Variants in HEPHL1 observed in about 807,000 individuals in gnomAD.
HEPHL1 encodes ferroxidase HEPHL1.
Under a neutral mutation model 122.0 loss-of-function variants are expected in HEPHL1, and 123 were observed. The ratio of observed to expected loss-of-function variants is 1.01; its 90% CI spans 0.87 to 1.17. HEPHL1 has a LOEUF of 1.17. HEPHL1 is among the 50% of genes most tolerant of loss of function. The probability of loss-of-function intolerance (pLI) is 0.00; values close to 1 mark genes in which losing one functional copy is unlikely to be tolerated. For synonymous variants in HEPHL1, 527 were observed against 508.9 expected, an observed-to-expected ratio of 1.04 and a Z score of -0.48; for missense variants, 1,452 against 1,430.5, an observed-to-expected ratio of 1.01 and a Z score of -0.24.
At chr11:94,031,383 C>T (rs978088896) in intron 1 of HEPHL1, among the ~76,000 whole-genome samples, 28 of 150,480 alleles carry the variant, frequency 1.9e-4, no homozygotes, top group African/African-American at 6.3e-4. Context: ...TGGGATAATA[C>T]TTTACATACG....
At chr11:94,070,948 T>G (rs1384431043) in intron 6 of HEPHL1, among the ~76,000 whole-genome samples, 1 of 152,136 alleles carries the variant, frequency 6.6e-6, no homozygotes, top group African/African-American at 2.4e-5. Context: ...TTACCCTTTT[T>G]GGTTCAAGGA....
chr11:94,095,765 A>G (rs1293020982), intron 13 of HEPHL1, among the ~76,000 whole-genome samples: 2 of 152,038 alleles, frequency 1.3e-5, no homozygotes, highest in African/African-American at 4.8e-5. Flanking sequence ...ATTCCTAGGT[A>G]TTTTATTGTC....
chr11:94,082,493 A>T lies in HEPHL1; in HGVS notation c.1792A>T (p.Ile598Phe). 6.2e-7 allele frequency: 1 copy of T among 1,613,332 alleles called. No homozygotes were observed. The highest frequency in any genetic ancestry group is 8.5e-7 in the Non-Finnish European group (1 of 1,179,348). The change falls in exon 10 of 20, where the codon ATT (isoleucine) becomes TTT (phenylalanine). Residue 598 changes from isoleucine (I) to phenylalanine (F), a missense_variant. Coordinates refer to ENST00000315765, the MANE Select transcript of HEPHL1 (RefSeq NM_001098672.2). ...ENLSRYFDEN[I>F]QKFIWHPFSI... ...TCTGAGCAGATATTTTGATGAAAAC[A>T]TTCAGAAGTTTATCTGGCATCCCTT...
At chr11:94,049,863 C>T (rs1211890796) in intron 2 of HEPHL1, among the ~76,000 whole-genome samples, 1 of 151,934 alleles carries the variant, frequency 6.6e-6, no homozygotes, top group Non-Finnish European at 1.5e-5. Context: ...TTAATTTTTA[C>T]CAAAAAACAT....
chr11:94,042,882 A>AAAAAAAAAAAAAAAAAAAAAAAAAAAAAC (rs1449884226), intron 1 of HEPHL1, among the ~76,000 whole-genome samples: 1 of 136,834 alleles, frequency 7.3e-6, no homozygotes, highest in Non-Finnish European at 1.6e-5. Flanking sequence ...TAATAAAAAA[A>AAAAAAAAAAAAAAAAAAAAAAAAAAAAAC]AAAAAAAAAA....
chr11:94,071,645 T>C (rs1432641133), intron 6 of HEPHL1, among the ~76,000 whole-genome samples: 4 of 152,074 alleles, frequency 2.6e-5, no homozygotes, highest in Admixed American at 6.6e-5. Flanking sequence ...TCTAAAGCAA[T>C]AAAATGCAGA....
chr11:94,024,052 C>T (rs1357351733), intron 1 of HEPHL1, among the ~76,000 whole-genome samples: 3 of 152,200 alleles, frequency 2.0e-5, no homozygotes, highest in East Asian at 1.9e-4. Context: ...AAGGAGCCAT[C>T]GTGGATGATG....
At position 94,064,500 on chromosome 11, in the gene HEPHL1, C is replaced by A; in HGVS notation, c.798C>A (p.Asn266Lys). 1 of 1,611,356 alleles carries A rather than the reference C, an allele frequency of 6.2e-7. No homozygotes were observed. Among genetic ancestry groups the A allele is most frequent in the African/African-American group, 1.3e-5 (1 of 74,978 alleles). The stretch of plus-strand genomic sequence containing the variant: ...AAGATGCTGTTTTCCAGAGGAGTAA[C>A]AAAATGCATGGTGAGTACCTCCCAT... ...DKKDAVFQRSNKMHALNGYLF... is the reference protein window; with the variant it reads ...DKKDAVFQRSKKMHALNGYLF... Residue 266 changes from asparagine to lysine, a missense_variant, in exon 4 of 20, where the codon AAC (asparagine) becomes AAA (lysine). Transcript: ENST00000315765.
At chr11:94,107,880 T>C (rs1349993117) in intron 17 of HEPHL1, among the ~76,000 whole-genome samples, 1 of 152,118 alleles carries the variant, frequency 6.6e-6, no homozygotes, top group Non-Finnish European at 1.5e-5. Context: ...GAACATATGT[T>C]TTCATTTTCC....
intron 9 of HEPHL1, among the ~76,000 whole-genome samples, chr11:94,078,016 T>C (rs1232730870): frequency 6.6e-6 from 1 of 152,224 alleles, no homozygotes; most frequent in Non-Finnish European, 1.5e-5. Context: ...TATTTGCTTA[T>C]GTGTATAGTA....
At chr11:94,074,441 G>C (rs1946103420) in intron 8 of HEPHL1, among the ~76,000 whole-genome samples, 2 of 143,902 alleles carry the variant, frequency 1.4e-5, no homozygotes, top group Admixed American at 1.4e-4. Context: ...AAAAATAAAA[G>C]AAAAAAATGC....
intron 2 of HEPHL1, among the ~76,000 whole-genome samples, chr11:94,048,482 C>T (rs1945860247): frequency 6.6e-6 from 1 of 152,126 alleles, no homozygotes; most frequent in African/African-American, 2.4e-5. Context: ...GCCTCACCCT[C>T]CCAAGTAGCT....
chr11:94,104,555 C>T lies in HEPHL1; in HGVS notation c.2710C>T (p.Leu904=). Residue 904 remains leucine (L), a synonymous_variant, in exon 16 of 20, where the codon CTG becomes TTG. Coordinates refer to ENST00000315765, the MANE Select transcript of HEPHL1 (RefSeq NM_001098672.2). ...KDTYSGLMGP[L]ITCRKGVLNE... is the part of the protein sequence containing the mutation. ...TACGTATAGTGGTTTGATGGGTCCT[C>T]TGATTACATGCCGAAAAGGAGTCTT... The T allele has an allele frequency of 6.2e-7, 1 of 1,613,598 alleles. No individual in the cohort carries two copies. The highest frequency in any genetic ancestry group is 8.5e-7 in the Non-Finnish European group (1 of 1,179,622).
At chr11:94,072,181 T>G (rs1432734727) in intron 6 of HEPHL1, among the ~76,000 whole-genome samples, 1 of 152,160 alleles carries the variant, frequency 6.6e-6, no homozygotes, top group East Asian at 1.9e-4. Flanking sequence ...TATGGCTTAC[T>G]TTTGCACCAA....
chr11:94,024,930 C>G (rs1357296748), intron 1 of HEPHL1, among the ~76,000 whole-genome samples: 1 of 152,080 alleles, frequency 6.6e-6, no homozygotes, highest in Non-Finnish European at 1.5e-5. Flanking sequence ...AAGCTAATCA[C>G]CTTATCAACT....
intron 2 of HEPHL1, chr11:94,055,775 C>G (rs868343172): frequency 2.5e-6 from 1 of 395,230 alleles, no homozygotes; most frequent in African/African-American, 2.1e-5. Context: ...TAGCAGTCAA[C>G]GATAATTGGT....
chr11:94,113,300 G>A lies in HEPHL1; in HGVS notation c.*1406G>A, dbSNP rs370875083. On this transcript the variant is annotated 3_prime_UTR_variant, in exon 20 of 20. Coordinates refer to ENST00000315765, the MANE Select transcript of HEPHL1 (RefSeq NM_001098672.2). ...GAGTGATACTGGTATGCCTGCCTTA[G>A]CAGTGGGTAATTTGAATGTCAAAGT... The A allele has an allele frequency of 3.3e-5, 5 of 152,206 alleles. No homozygotes were observed. In the East Asian group the frequency reaches 5.8e-4, roughly 18 times the overall value. 9.4% of individuals were successfully genotyped at this position (152,206 alleles called of 1,614,324 possible). A position where few individuals can be genotyped will look rare whatever the true frequency, so the allele number is the denominator to read the frequency against.
Position 94,099,992 on chromosome 11 carries a change from C to T in HEPHL1, c.2435-1203C>T, listed in dbSNP as rs537180169. Among the ~76,000 whole-genome samples, 11 of 152,260 alleles carry T rather than the reference C, an allele frequency of 7.2e-5. 1 individual carries two copies. The South Asian group carries it at 2.3e-3, about 32-fold the overall frequency. On this transcript the variant is annotated intron_variant, in intron 13 of 19. Transcript: ENST00000315765. Reference sequence around the variant, plus strand: ...GGCGATGCCTCTCCCTGCTTCGGCTCACGCTCGGTGGGCTGCACCCACTGT... The same window carrying T: ...GGCGATGCCTCTCCCTGCTTCGGCTTACGCTCGGTGGGCTGCACCCACTGT...
rs1045764799 is a variant in HEPHL1 at position 94,112,859 on chromosome 11, C to T, written c.*965C>T. On this transcript the variant is annotated 3_prime_UTR_variant, in exon 20 of 20. Transcript: ENST00000315765. The stretch of plus-strand genomic sequence containing the variant: ...GGGAATCTTTACAAGTCCTCATCTT[C>T]TATGAAATTATAACATTCTCATTGT... 1.3e-5 allele frequency: 2 copies of T among 152,088 alleles called. No homozygotes were observed. Among genetic ancestry groups the T allele is most frequent in the Non-Finnish European group, 2.9e-5 (2 of 68,036 alleles). The allele number at this position is 152,088 out of a possible 1,614,324, so 9.4% of individuals were successfully genotyped here.
Sources: gnomAD v4.1 joint callset for allele counts (sites outside exome capture counted in the v4.1 genomes callset) on GRCh38, gnomAD v4.1.1 for gene constraint, MANE v1.5 for transcripts, NCBI Gene and HGNC (gene_info 2026-07-23, HGNC 2026-07-21) for gene names.